MAP2K3: variants seen among roughly 807,000 people sequenced by gnomAD.
MAP2K3 encodes the protein mitogen-activated protein kinase kinase 3.
In MAP2K3, 30 loss-of-function variants were observed where a neutral mutation model predicts 46.4. That is an observed-to-expected ratio of 0.65 (90% confidence interval 0.48 to 0.88). The LOEUF is 0.88. MAP2K3 is among the 40% of genes least tolerant of loss of function. The pLI is 0.00. For synonymous variants in MAP2K3, 189 were observed against 176.3 expected (o/e 1.07, Z -0.57); for missense variants, 380 against 464.5 (o/e 0.82, Z 1.67).
chr17:21,310,689 G>A (rs953032224), intron 9 of MAP2K3, among the ~76,000 whole-genome samples: 1 of 152,268 alleles, frequency 6.6e-6, no homozygotes, highest in African/African-American at 2.4e-5. Context: ...TAGTGTTGTC[G>A]CTGGGGAGTC....
chr17:21,314,015 G>C (rs1418611448), intron 11 of MAP2K3, 132 bp from the exon 12 acceptor site: 1 of 715,380 alleles, frequency 1.4e-6, no homozygotes, highest in African/African-American at 1.7e-5. Flanking sequence ...CCTCCTGGGG[G>C]TGGAGGTCCT....
intron 10 of MAP2K3, among the ~76,000 whole-genome samples, chr17:21,312,840 G>A (rs973441848): frequency 2.0e-5 from 3 of 151,884 alleles, no homozygotes; most frequent in Non-Finnish European, 2.9e-5. Context: ...GCTTGAACCC[G>A]GGAGCCGGAG....
rs1325180474 is a variant in MAP2K3, at chr17:21,286,808, T to C, written c.49+1839T>C. Reference sequence around the variant, plus strand: ...ATGAACTTCTAGATGTGGACCCAGGTCCTAGATGAGGTTGAGGGGGCTGGA... The same window carrying C: ...ATGAACTTCTAGATGTGGACCCAGGCCCTAGATGAGGTTGAGGGGGCTGGA... On this transcript the variant is annotated intron_variant, in intron 1 of 11. Coordinates refer to ENST00000342679, the MANE Select transcript of MAP2K3 (RefSeq NM_145109.3). 2.0e-5 allele frequency among the ~76,000 whole-genome samples: 3 copies of C among 152,168 alleles called. No individual in the cohort carries two copies. In the East Asian group the frequency reaches 5.8e-4, roughly 29 times the overall value.
Position 21,298,752 on chromosome 17 carries a change from G to A in MAP2K3, c.117-126G>A, listed in dbSNP as rs1273610757. On this transcript the variant is annotated intron_variant, in intron 2 of 11. Coordinates refer to ENST00000342679, the MANE Select transcript of MAP2K3 (RefSeq NM_145109.3). ...AGCAGCCAGTGAGAGGAGGTGGCCG[G>A]AGAAGGCGCCTCCGGGGCAGGAGGC... The A allele has an allele frequency of 3.7e-5, 53 of 1,420,608 alleles. No individual in the cohort carries two copies. The East Asian group carries it at 5.0e-4, about 13-fold the overall frequency. 88.0% of individuals were successfully genotyped at this position (1,420,608 alleles called of 1,614,324 possible).
chr17:21,303,569 ATT>A (rs1251750461), intron 7 of MAP2K3, among the ~76,000 whole-genome samples: 188 of 152,310 alleles, frequency 1.2e-3, no homozygotes, highest in African/African-American at 4.4e-3. Context: ...ATGCAGGACA[ATT>A]CTCTCACCCC....
chr17:21,300,037 G>C (rs1976502074), intron 3 of MAP2K3, among the ~76,000 whole-genome samples: 1 of 152,312 alleles, frequency 6.6e-6, no homozygotes, highest in Non-Finnish European at 1.5e-5. Context: ...CCTCCAGGCT[G>C]TCGCACTCCC....
At position 21,312,245 on chromosome 17, in the gene MAP2K3, G is replaced by T; in HGVS notation, c.878G>T (p.Arg293Leu). Residue 293 changes from arginine to leucine, a missense_variant, in exon 10 of 12, where the codon CGT becomes CTT. Arg to Leu is a moderately radical substitution (Grantham distance 102, BLOSUM62 -2). Transcript: ENST00000342679. ...EEPSPQLPAD[R>L]FSPEFVDFTA... ...CCGTCCCCCCAGCTCCCAGCCGACCGTTTCTCCCCCGAGTTTGTGGACTTC... is the reference window on the plus strand; with the variant it reads ...CCGTCCCCCCAGCTCCCAGCCGACCTTTTCTCCCCCGAGTTTGTGGACTTC... 2 of 1,601,520 alleles carry T rather than the reference G, an allele frequency of 1.2e-6. No homozygotes were observed.
intron 9 of MAP2K3, among the ~76,000 whole-genome samples, chr17:21,310,520 C>T (rs1465115603): frequency 6.6e-6 from 1 of 152,222 alleles, no homozygotes; most frequent in Non-Finnish European, 1.5e-5. Flanking sequence ...GCCTCGGCCT[C>T]CCCCCATCCT....
At chr17:21,309,126 T>A (rs1388763998) in intron 9 of MAP2K3, among the ~76,000 whole-genome samples, 1 of 152,308 alleles carries the variant, frequency 6.6e-6, no homozygotes, top group Non-Finnish European at 1.5e-5. Flanking sequence ...CTGCCTGGCC[T>A]CTCCATGCAA....
At chr17:21,291,533 C>T (rs578220111) in intron 1 of MAP2K3, 32 of 456,504 alleles carry the variant, frequency 7.0e-5, no homozygotes, top group Middle Eastern at 3.2e-4. Flanking sequence ...GCACAGCCTA[C>T]GATCCTGGTG....
chr17:21,292,257 T>C (rs1975982843), intron 1 of MAP2K3, among the ~76,000 whole-genome samples: 2 of 152,308 alleles, frequency 1.3e-5, no homozygotes, highest in South Asian at 4.1e-4. Flanking sequence ...TGTTTCTTCT[T>C]TTCTTTAAAT....
At chr17:21,298,367 T>G in intron 1 of MAP2K3, 46 bp from the exon 2 acceptor site, 1 of 1,613,330 alleles carries the variant, frequency 6.2e-7, no homozygotes, top group Non-Finnish European at 8.5e-7. Context: ...CAGGGGACAT[T>G]GATGTCAAGG....
intron 9 of MAP2K3, among the ~76,000 whole-genome samples, chr17:21,309,783 T>C (rs1977076867): frequency 1.3e-5 from 2 of 151,720 alleles, no homozygotes; most frequent in South Asian, 4.2e-4. Context: ...CTGGCTAATT[T>C]TTGTATTTTT....
Position 21,303,033 on chromosome 17 carries a change from G to C in MAP2K3, c.517-150G>C, listed in dbSNP as rs879161359. The C allele has an allele frequency of 1.2e-4, 126 of 1,014,392 alleles. No individual in the cohort carries two copies. The South Asian group carries it at 1.8e-3, about 14-fold the overall frequency. The allele number at this position is 1,014,392 out of a possible 1,614,324, so 62.8% of individuals were successfully genotyped here. Reference sequence around the variant, plus strand: ...GGATGCTGGGGCAAATGCCAGGACAGGGCAGGAGGCTGGGATGAGAGGGTG... The same window carrying C: ...GGATGCTGGGGCAAATGCCAGGACACGGCAGGAGGCTGGGATGAGAGGGTG... On this transcript the variant is annotated intron_variant, in intron 6 of 11. Transcript: ENST00000342679.
At position 21,309,373 on chromosome 17, in the gene MAP2K3, G is replaced by A. The variant is rs552163030; in HGVS notation, c.775-2769G>A. 6.9e-3 allele frequency among the ~76,000 whole-genome samples: 1,050 copies of A among 152,186 alleles called. 1 individual carries two copies. Among genetic ancestry groups the A allele is most frequent in the African/African-American group, 0.024 (994 of 41,512 alleles). ...TCAGCAGGTGCACACAGCGGGAGGC[G>A]GAGGTGGTCACTTTAGGCACAGGTT... On this transcript the variant is annotated intron_variant, in intron 9 of 11. Coordinates refer to ENST00000342679, the MANE Select transcript of MAP2K3 (RefSeq NM_145109.3).
Position 21,300,927 on chromosome 17 carries a change from G to C in MAP2K3, c.333G>C (p.Leu111=), listed in dbSNP as rs1166278275. 6.2e-7 allele frequency: 1 copy of C among 1,614,258 alleles called. No individual in the cohort carries two copies. The highest frequency in any genetic ancestry group is 8.5e-7 in the Non-Finnish European group (1 of 1,180,050). The change falls in exon 5 of 12, where the codon CTG becomes CTC. Residue 111 remains leucine (L), a synonymous_variant. Transcript: ENST00000342679. ...AGCAGAAGCGGCTGCTCATGGACCT[G>C]GACATCAACATGCGCACGGTCGACT... The part of the protein sequence containing the change: ...SQEQKRLLMD[L]DINMRTVDCF...
In MAP2K3 at chr17:21,298,465, C is replaced by T. The variant is rs145057136; in HGVS notation, c.102C>T (p.Pro34=). 5.9e-5 allele frequency: 96 copies of T among 1,614,062 alleles called. No homozygotes were observed. The highest frequency in any genetic ancestry group is 7.3e-5 in the Non-Finnish European group (86 of 1,179,940). Residue 34 remains proline (P), a synonymous_variant, in exon 2 of 12, where the codon CCC becomes CCT. Transcript: ENST00000342679. ...GGATATCCTGCATGTCCAAGCCACC[C>T]GCACCCAACCCCACGTGAGTCTGCC... ...DLRISCMSKP[P]APNPTPPRNL...
chr17:21,298,748 G>T, intron 2 of MAP2K3, 130 bp from the exon 3 acceptor site: 2 of 1,359,476 alleles, frequency 1.5e-6, no homozygotes, highest in South Asian at 2.5e-5. Flanking sequence ...AGAGGAGGTG[G>T]CCGGAGAAGG....
At chr17:21,296,090 G>A (rs1370199637) in intron 1 of MAP2K3, 4 of 1,289,412 alleles carry the variant, frequency 3.1e-6, no homozygotes, top group East Asian at 5.5e-5. Context: ...CTGCAGAGAG[G>A]CTGGTCATAT....
Sources: allele counts gnomAD v4.1 joint callset (sites outside exome capture counted in the v4.1 genomes callset), GRCh38; gene constraint gnomAD v4.1.1; transcripts MANE v1.5; gene names NCBI Gene and HGNC (gene_info 2026-07-23, HGNC 2026-07-21).